Variants in PCDHA1 observed in about 807,000 individuals in gnomAD.
The protein encoded by PCDHA1 is protocadherin alpha 1, also known as protocadherin alpha-1.
A neutral mutation model predicts 61.3 loss-of-function variants in PCDHA1; 42 were observed. The ratio of observed to expected loss-of-function variants is 0.69; its 90% confidence interval spans 0.54 to 0.89. PCDHA1 has a LOEUF of 0.89. Among genes scored for constraint, PCDHA1 ranks in the 40% least tolerant of loss-of-function variants. The pLI is 0.00. For synonymous variants in PCDHA1, 610 were observed against 553.8 expected, an observed-to-expected ratio of 1.10 and a Z score of -1.43; for missense variants, 1,256 against 1,235.3, an observed-to-expected ratio of 1.02 and a Z score of -0.25.
intron 1 of PCDHA1, among the ~76,000 whole-genome samples, chr5:140,935,679 T>C (rs2090497566): frequency 6.6e-6 from 1 of 152,190 alleles, no homozygotes; most frequent in South Asian, 2.1e-4. Context: ...GTGAAATATT[T>C]ACATGGCTCC....
chr5:140,878,599 A>G (rs1308833361), intron 1 of PCDHA1, among the ~76,000 whole-genome samples: 4 of 152,220 alleles, frequency 2.6e-5, no homozygotes, highest in African/African-American at 2.4e-5. Context: ...TTACCAAGTG[A>G]ATCTTCTAAT....
chr5:140,875,806 A>G, intron 1 of PCDHA1: 1 of 1,614,204 alleles, frequency 6.2e-7, no homozygotes, highest in African/African-American at 1.3e-5. Context: ...GATCGTGGAC[A>G]GGCCGCTGCA....
At chr5:140,961,604 T>C (rs2095623962) in intron 1 of PCDHA1, among the ~76,000 whole-genome samples, 1 of 152,190 alleles carries the variant, frequency 6.6e-6, no homozygotes, top group Non-Finnish European at 1.5e-5. Context: ...TTCTAGTAAA[T>C]GAAACTAAAG....
intron 1 of PCDHA1, chr5:140,966,881 C>A: frequency 6.3e-7 from 1 of 1,589,072 alleles, no homozygotes. Context: ...GCTACCTGGC[C>A]CTGCGGCCTC....
intron 1 of PCDHA1, chr5:140,967,672 C>T: frequency 1.2e-6 from 2 of 1,614,182 alleles, no homozygotes; most frequent in Non-Finnish European, 8.5e-7. Context: ...ACACGTCGGA[C>T]CGGGAGAGGC....
intron 1 of PCDHA1, chr5:140,867,114 G>A (rs567577345): frequency 6.6e-6 from 1 of 152,050 alleles, no homozygotes; most frequent in Non-Finnish European, 1.5e-5. Flanking sequence ...TTAACATATT[G>A]TTTTAATTCA....
intron 1 of PCDHA1, chr5:140,804,887 C>G: frequency 1.4e-5 from 9 of 638,746 alleles, no homozygotes; most frequent in South Asian, 3.0e-5. Flanking sequence ...GACTCCTCTC[C>G]TTCCCCTCAC....
chr5:140,869,159 T>C, intron 1 of PCDHA1: 1 of 1,613,792 alleles, frequency 6.2e-7, no homozygotes, highest in Non-Finnish European at 8.5e-7. Flanking sequence ...CTCTGGCTTC[T>C]CCTCCTCGAA....
intron 1 of PCDHA1, chr5:140,808,613 A>G (rs1554124655): frequency 1.9e-6 from 3 of 1,613,806 alleles, no homozygotes; most frequent in South Asian, 2.2e-5. Flanking sequence ...CCACATCTTC[A>G]CTGTGTCTGC....
chr5:140,858,425 C>T lies in PCDHA1; in HGVS notation c.2394+69741C>T, dbSNP rs373682195. 1.3e-5 allele frequency: 20 copies of T among 1,552,580 alleles called. 2 individuals are homozygous for T. The highest frequency in any genetic ancestry group is 1.8e-5 in the Non-Finnish European group (20 of 1,140,698). On this transcript the variant is annotated intron_variant, in intron 1 of 3. Transcript: ENST00000504120. ...GGAAGATCAGTCTATTGGAGGGGAC[C>T]ACTCTAGGAAGGTGGGTTATTACGT...
intron 1 of PCDHA1, chr5:140,869,028 G>C: frequency 1.3e-6 from 2 of 1,526,584 alleles, no homozygotes; most frequent in Non-Finnish European, 1.8e-6. Flanking sequence ...AATTCAACGA[G>C]ATTTTTAACC....
rs966554278 is a variant in PCDHA1 at position 140,906,071 on chromosome 5, G to A, written c.2395-72878G>A. On this transcript the variant is annotated intron_variant, in intron 1 of 3. Coordinates refer to ENST00000504120, the MANE Select transcript of PCDHA1 (RefSeq NM_018900.4). ...GGCTGCACTGGCAGCTGATTAGATCGCACCCACCCAGACTGAGAGTAAGTG... is the reference window on the plus strand; with the variant it reads ...GGCTGCACTGGCAGCTGATTAGATCACACCCACCCAGACTGAGAGTAAGTG... 9.2e-5 allele frequency among the ~76,000 whole-genome samples: 14 copies of A among 152,200 alleles called. 1 individual carries two copies. The highest frequency in any genetic ancestry group is 3.9e-4 in the Admixed American group (6 of 15,286).
chr5:140,929,694 A>G, intron 1 of PCDHA1: 1 of 270,028 alleles, frequency 3.7e-6, no homozygotes, highest in Non-Finnish European at 7.3e-6. Flanking sequence ...AGTCTGCTTT[A>G]TATGAATATA....
rs530707977 is a variant in PCDHA1 at position 140,786,457 on chromosome 5, T to C, written c.167T>C (p.Leu56Pro). The change falls in exon 1 of 4, where the codon CTG becomes CCG. Residue 56 changes from leucine (L) to proline (P), a missense_variant. Coordinates refer to ENST00000504120, the MANE Select transcript of PCDHA1 (RefSeq NM_018900.4). ...GRVAQDLGLE[L>P]AELVPRLFRV... ...GTTGCTCAGGACCTGGGACTGGAGC[T>C]GGCGGAGCTGGTGCCTCGCCTGTTC... 16 of 1,613,558 alleles carry C rather than the reference T, an allele frequency of 9.9e-6. No homozygotes were observed. In the African/African-American group the frequency reaches 1.6e-4, roughly 16 times the overall value.
intron 1 of PCDHA1, chr5:140,823,876 A>G: frequency 6.2e-7 from 1 of 1,613,886 alleles, no homozygotes; most frequent in Non-Finnish European, 8.5e-7. Context: ...GTACCTGATC[A>G]TCGCCATCTG....
chr5:140,944,206 T>C (rs1291391135), intron 1 of PCDHA1, among the ~76,000 whole-genome samples: 1 of 152,156 alleles, frequency 6.6e-6, no homozygotes, highest in Non-Finnish European at 1.5e-5. Context: ...GTTTTGTTTT[T>C]AAAGAGGGTT....
At chr5:141,007,258 A>G (rs1160413471) in intron 3 of PCDHA1, among the ~76,000 whole-genome samples, 1 of 152,110 alleles carries the variant, frequency 6.6e-6, no homozygotes, top group Non-Finnish European at 1.5e-5. Flanking sequence ...AGTTAAAAGA[A>G]GCAGATACAG....
chr5:140,891,281 G>A (rs1554184772), intron 1 of PCDHA1, among the ~76,000 whole-genome samples: 2 of 151,886 alleles, frequency 1.3e-5, no homozygotes, highest in African/African-American at 4.8e-5. Context: ...GTAAGTTATT[G>A]GGGGTACAGG....
rs2150329918 is a variant in PCDHA1, at chr5:140,842,127, C to G, written c.2394+53443C>G. 7.9e-5 allele frequency: 127 copies of G among 1,612,886 alleles called. 5 individuals carry two copies. The South Asian group carries it at 8.9e-4, about 11-fold the overall frequency. ...GTTATCAAACTGAATGCTTCTGATC[C>G]GGATGAAGGAGCCAATGGGGCAATT... On this transcript the variant is annotated intron_variant, in intron 1 of 3. Coordinates refer to ENST00000504120, the MANE Select transcript of PCDHA1 (RefSeq NM_018900.4).
Sources: gnomAD v4.1 joint callset for allele counts (sites outside exome capture counted in the v4.1 genomes callset) on GRCh38, gnomAD v4.1.1 for gene constraint, MANE v1.5 for transcripts, NCBI Gene and HGNC (gene_info 2026-07-23, HGNC 2026-07-21) for gene names.